Variants in ROR1 observed in about 807,000 individuals in gnomAD.
ROR1 encodes the protein inactive tyrosine-protein kinase transmembrane receptor ROR1.
In ROR1, 19 loss-of-function variants were observed where a neutral mutation model predicts 78.8. The observed-to-expected ratio is 0.24, with a 90% CI of 0.17 to 0.35. The LOEUF is 0.35. ROR1 is among the 10% of genes least tolerant of loss of function. The pLI, the probability that ROR1 is intolerant of heterozygous loss-of-function variation, is 1.00. For synonymous variants in ROR1, 386 were observed against 433.6 expected (o/e 0.89, Z 1.36); for missense variants, 917 against 1,177.8 (o/e 0.78, Z 3.24).
intron 1 of ROR1, among the ~76,000 whole-genome samples, chr1:63,980,804 G>A (rs1646204238): frequency 6.6e-6 from 1 of 152,240 alleles, no homozygotes; most frequent in South Asian, 2.1e-4. Flanking sequence ...CACTGGGCCT[G>A]TGTAAAAGGG....
chr1:64,084,070 T>C (rs1030853954), intron 4 of ROR1, among the ~76,000 whole-genome samples: 7 of 152,232 alleles, frequency 4.6e-5, no homozygotes, highest in Non-Finnish European at 8.8e-5. Context: ...ATAACTCAAG[T>C]GTTCAGAGAA....
intron 1 of ROR1, among the ~76,000 whole-genome samples, chr1:63,867,382 C>T (rs1025340285): frequency 4.6e-5 from 7 of 151,984 alleles, no homozygotes; most frequent in African/African-American, 1.5e-4. Context: ...TTCCTGTCTA[C>T]GAGATGGTGG....
In ROR1 at chr1:63,881,712, T is replaced by A. The variant is rs71645558; in HGVS notation, c.91+107204T>A. Reference sequence around the variant, plus strand: ...CACCAGGTGTTTATTGAGTTAATTTTACGCCAGACACTTTGCTAGGCCTAG... The same window carrying A: ...CACCAGGTGTTTATTGAGTTAATTTAACGCCAGACACTTTGCTAGGCCTAG... On this transcript the variant is annotated intron_variant, in intron 1 of 8. Coordinates refer to ENST00000371079, the MANE Select transcript of ROR1 (RefSeq NM_005012.4). Among the ~76,000 whole-genome samples, 629 of 152,328 alleles carry A rather than the reference T, an allele frequency of 4.1e-3. 3 individuals carry two copies. Among genetic ancestry groups the A allele is most frequent in the Non-Finnish European group, 7.1e-3 (483 of 68,018 alleles).
chr1:64,040,525 A>T (rs186432560), intron 2 of ROR1, among the ~76,000 whole-genome samples: 8 of 152,334 alleles, frequency 5.3e-5, no homozygotes, highest in African/African-American at 9.6e-5. Context: ...CAGCTGCTAT[A>T]ATAAACTACC....
intron 4 of ROR1, among the ~76,000 whole-genome samples, chr1:64,084,858 GGTGTGTGCTA>G (rs1647138497): frequency 1.3e-5 from 2 of 152,214 alleles, no homozygotes; most frequent in East Asian, 1.9e-4. Flanking sequence ...GGGCTGTGCA[GGTGTGTGCTA>G]GCTGTTGGCT....
At chr1:64,143,787 G>A (rs1232933613) in intron 7 of ROR1, among the ~76,000 whole-genome samples, 1 of 152,140 alleles carries the variant, frequency 6.6e-6, no homozygotes, top group Admixed American at 6.5e-5. Context: ...AGATTAGGTC[G>A]GGAAAGTAAC....
intron 2 of ROR1, among the ~76,000 whole-genome samples, chr1:64,036,465 G>C (rs1646703304): frequency 6.6e-6 from 1 of 152,194 alleles, no homozygotes; most frequent in South Asian, 2.1e-4. Context: ...TCATCCAGGA[G>C]TCTCCCAGAA....
intron 1 of ROR1, among the ~76,000 whole-genome samples, chr1:63,868,436 C>T (rs1645230516): frequency 6.6e-6 from 1 of 152,142 alleles, no homozygotes; most frequent in South Asian, 2.1e-4. Context: ...GGATGCAGAG[C>T]AAAGAGCTCC....
chr1:63,935,103 C>T (rs1158112403), intron 1 of ROR1, among the ~76,000 whole-genome samples: 1 of 146,788 alleles, frequency 6.8e-6, no homozygotes, highest in Non-Finnish European at 1.5e-5. Flanking sequence ...TTTTTTGTTG[C>T]AGTGTAAAAT....
At chr1:64,158,779 C>G (rs543734285) in intron 7 of ROR1, among the ~76,000 whole-genome samples, 1 of 152,314 alleles carries the variant, frequency 6.6e-6, no homozygotes, top group East Asian at 1.9e-4. Context: ...AACATTTGAA[C>G]TTTAAACTTT....
intron 4 of ROR1, among the ~76,000 whole-genome samples, chr1:64,083,062 C>T (rs1381580093): frequency 6.6e-6 from 1 of 152,134 alleles, no homozygotes; most frequent in African/African-American, 2.4e-5. Context: ...TCAAGAGTCT[C>T]CCTAATAGCA....
chr1:63,963,586 CAA>C (rs398053056), intron 1 of ROR1, among the ~76,000 whole-genome samples: 2 of 122,154 alleles, frequency 1.6e-5, no homozygotes, highest in African/African-American at 5.8e-5. Context: ...CAAAACAAAA[CAA>C]AAAAAAAAAC....
intron 1 of ROR1, among the ~76,000 whole-genome samples, chr1:63,858,972 G>T (rs1645164395): frequency 6.6e-6 from 1 of 152,172 alleles, no homozygotes; most frequent in Admixed American, 6.5e-5. Context: ...TGTGAGATGG[G>T]ATAATTGAAT....
intron 4 of ROR1, among the ~76,000 whole-genome samples, chr1:64,130,001 G>GA (rs1353748001): frequency 1.3e-5 from 2 of 151,926 alleles, no homozygotes; most frequent in Non-Finnish European, 2.9e-5. Flanking sequence ...ATAGCCAAGG[G>GA]AAAAAAACTT....
chr1:64,100,334 A>G (rs1384495454), intron 4 of ROR1, among the ~76,000 whole-genome samples: 1 of 151,930 alleles, frequency 6.6e-6, no homozygotes, highest in Admixed American at 6.6e-5. Flanking sequence ...ATAAAAAATA[A>G]AAAATAAGCT....
intron 7 of ROR1, among the ~76,000 whole-genome samples, chr1:64,145,092 A>G (rs1178979564): frequency 3.3e-5 from 5 of 152,224 alleles, no homozygotes; most frequent in Non-Finnish European, 5.9e-5. Context: ...GTCAATATAT[A>G]AAGATAAATC....
At position 64,131,186 on chromosome 1, in the gene ROR1, G is replaced by A. The variant is rs184329260; in HGVS notation, c.483-6183G>A. Among the ~76,000 whole-genome samples, 295 of 152,168 alleles carry A rather than the reference G, an allele frequency of 1.9e-3. 2 individuals are homozygous for A. The highest frequency in any genetic ancestry group is 6.7e-3 in the African/African-American group (280 of 41,516). On this transcript the variant is annotated intron_variant, in intron 4 of 8. Transcript: ENST00000371079. ...GATGACTTTCCTTCAAGGGTTTTAG[G>A]GGCAGCCATCTTGATGTGATTTCCT...
At chr1:63,826,590 T>G (rs1253742602) in intron 1 of ROR1, among the ~76,000 whole-genome samples, 2 of 152,242 alleles carry the variant, frequency 1.3e-5, no homozygotes, top group East Asian at 3.9e-4. Context: ...ATGATTTCTA[T>G]TCCTTTGGGT....
At chr1:64,097,575 G>GTATATA (rs10632011) in intron 4 of ROR1, among the ~76,000 whole-genome samples, 8,442 of 148,972 alleles carry the variant, frequency 0.057, 343 homozygotes, top group African/African-American at 0.11. Context: ...ATTTCATATA[G>GTATATA]TATATATATA....
Sources: allele counts gnomAD v4.1 joint callset (sites outside exome capture counted in the v4.1 genomes callset), GRCh38; gene constraint gnomAD v4.1.1; transcripts MANE v1.5; gene names NCBI Gene and HGNC (gene_info 2026-07-23, HGNC 2026-07-21).